RIMBP2: variants seen among roughly 807,000 people sequenced by gnomAD.
The protein encoded by RIMBP2 is RIMS binding protein 2, also known as RIMS-binding protein 2.
In RIMBP2, 48 loss-of-function variants were observed where a neutral mutation model predicts 118.6. The ratio of observed to expected loss-of-function variants is 0.40; its 90% CI spans 0.32 to 0.51. RIMBP2 has a LOEUF of 0.51. RIMBP2 is among the 20% of genes least tolerant of loss of function. The pLI is 0.41. For missense variants in RIMBP2, 1,551 were observed against 1,768.3 expected (o/e 0.88, Z 2.20); for synonymous variants, 762 against 742.9 (o/e 1.03, Z -0.42).
At chr12:130,609,776 G>A (rs946254828) in intron 2 of RIMBP2, among the ~76,000 whole-genome samples, 11 of 152,146 alleles carry the variant, frequency 7.2e-5, no homozygotes, top group Non-Finnish European at 1.5e-5. Context: ...GGAAGTGGGG[G>A]TAGGGCACTG....
chr12:130,655,057 T>C (rs1461637417), intron 1 of RIMBP2, among the ~76,000 whole-genome samples: 2 of 152,282 alleles, frequency 1.3e-5, no homozygotes, highest in African/African-American at 2.4e-5. Context: ...CACATGAGAT[T>C]TGGGGGAGAC....
chr12:130,621,402 C>G lies in RIMBP2; in HGVS notation c.-217+6920G>C, dbSNP rs1028284793. On this transcript the variant is annotated intron_variant, in intron 2 of 22. Transcript: ENST00000690449. This position sits in a 1 kb window ranked among gnomAD's most constrained non-coding sequence, Gnocchi z 6.6. ...CTCTGATTAAAGACTGACGCCAACA[C>G]AGAGGAAAAGGATGGAGATTCCCAA... Among the ~76,000 whole-genome samples the G allele has an allele frequency of 6.6e-6, 1 of 152,306 alleles. No homozygotes were observed. The highest frequency in any genetic ancestry group is 6.5e-5 in the Admixed American group (1 of 15,302).
intron 1 of RIMBP2, among the ~76,000 whole-genome samples, chr12:130,671,433 T>G (rs957937176): frequency 6.6e-6 from 1 of 152,182 alleles, no homozygotes; most frequent in African/African-American, 2.4e-5. Context: ...TAAAATTATC[T>G]CATTATTGAC....
At chr12:130,713,039 G>A (rs1422431730) in intron 1 of RIMBP2, among the ~76,000 whole-genome samples, 1 of 151,612 alleles carries the variant, frequency 6.6e-6, no homozygotes, top group Non-Finnish European at 1.5e-5. Context: ...GAGACTGAGA[G>A]AGGGAGAGGA....
rs932952706 is a variant in RIMBP2 at position 130,620,440 on chromosome 12, C to T, written c.-217+7882G>A. 2.6e-5 allele frequency among the ~76,000 whole-genome samples: 4 copies of T among 152,270 alleles called. No individual in the cohort carries two copies. In the East Asian group the frequency reaches 5.8e-4, roughly 22 times the overall value. Reference sequence around the variant, plus strand: ...AGGTGGCCAGCACCAGGTTCTGCTGCGTGCAACCAGAGACCTCACGTTAGT... The same window carrying T: ...AGGTGGCCAGCACCAGGTTCTGCTGTGTGCAACCAGAGACCTCACGTTAGT... On this transcript the variant is annotated intron_variant, in intron 2 of 22. Coordinates refer to ENST00000690449, the MANE Select transcript of RIMBP2 (RefSeq NM_001393629.1). This position sits in a 1 kb window ranked among gnomAD's most constrained non-coding sequence, Gnocchi z 5.3.
At chr12:130,679,272 G>A (rs1017496700) in intron 1 of RIMBP2, among the ~76,000 whole-genome samples, 1 of 152,172 alleles carries the variant, frequency 6.6e-6, no homozygotes, top group African/African-American at 2.4e-5. Flanking sequence ...CGCTGGATTT[G>A]ACTAATTCCC....
rs372060417 is a variant in RIMBP2, at chr12:130,605,264, A to G, written c.-217+23058T>C. The stretch of plus-strand genomic sequence containing the variant: ...GTGGGTAGGTGTTGCAGTAGACTCT[A>G]TAAATCAAAGAATTGAACTTTACTT... On this transcript the variant is annotated intron_variant, in intron 2 of 22. Transcript: ENST00000690449. Among the ~76,000 whole-genome samples, 7 of 152,326 alleles carry G rather than the reference A, an allele frequency of 4.6e-5. No individual in the cohort carries two copies. In the East Asian group the frequency reaches 1.3e-3, roughly 29 times the overall value.
chr12:130,565,471 C>T (rs1158180738), intron 2 of RIMBP2, among the ~76,000 whole-genome samples: 1 of 152,192 alleles, frequency 6.6e-6, no homozygotes, highest in Non-Finnish European at 1.5e-5. Context: ...GATGCTGGAT[C>T]CTAGCACCTA....
At position 130,438,351 on chromosome 12, in the gene RIMBP2, C is replaced by CCAA; in HGVS notation, c.1656+13_1656+14insTTG. 3.1e-6 allele frequency: 5 copies of CCAA among 1,589,918 alleles called. No individual in the cohort carries two copies. The highest frequency in any genetic ancestry group is 1.7e-5 in the Admixed American group (1 of 59,826). ...GCCTAACAAACCCTCCCCACCCACC[C>CCAA]AACGAAAACTCACCCTCTGCCCTTT... is the stretch of plus-strand genomic sequence containing the variant. On this transcript the variant is annotated intron_variant, in intron 12 of 22. Coordinates refer to ENST00000690449, the MANE Select transcript of RIMBP2 (RefSeq NM_001393629.1).
At chr12:130,686,488 G>A (rs1045784875) in intron 1 of RIMBP2, among the ~76,000 whole-genome samples, 1 of 152,334 alleles carries the variant, frequency 6.6e-6, no homozygotes, top group East Asian at 1.9e-4. Context: ...AGGCACACCG[G>A]AGTCACGTTG....
At chr12:130,480,237 C>CACACG (rs59071818) in intron 4 of RIMBP2, among the ~76,000 whole-genome samples, 3,797 of 150,266 alleles carry the variant, frequency 0.025, 99 homozygotes, top group African/African-American at 0.056. Context: ...ACACACACAC[C>CACACG]TGTGGTAACT....
At chr12:130,692,835 ATGGGATGGGATGGGATAGGGTAGGG>A (rs1447449846) in intron 1 of RIMBP2, among the ~76,000 whole-genome samples, 1 of 125,610 alleles carries the variant, frequency 8.0e-6, no homozygotes, top group African/African-American at 3.0e-5. Context: ...ATGGGATGGG[ATGGGATGGGATGGGATAGGGTAGGG>A]TAGGGTAGGG....
intron 2 of RIMBP2, among the ~76,000 whole-genome samples, chr12:130,524,192 C>T (rs1287603415): frequency 6.6e-6 from 1 of 152,166 alleles, no homozygotes; most frequent in East Asian, 1.9e-4. Context: ...GTAATTAACC[C>T]ACCACGTCTT....
Position 130,623,610 on chromosome 12 carries a change from G to A in RIMBP2, c.-217+4712C>T, listed in dbSNP as rs1206543100. On this transcript the variant is annotated intron_variant, in intron 2 of 22. Coordinates refer to ENST00000690449, the MANE Select transcript of RIMBP2 (RefSeq NM_001393629.1). This position sits in a 1 kb window ranked among gnomAD's most constrained non-coding sequence, Gnocchi z 4.1. ...CAACAGCAGCAAGTGCCTTCAGTGG[G>A]CATAAGCTGCCTCCCATAACCTCTT... Among the ~76,000 whole-genome samples the A allele has an allele frequency of 6.6e-6, 1 of 152,124 alleles. No homozygotes were observed. The highest frequency in any genetic ancestry group is 2.4e-5 in the African/African-American group (1 of 41,424).
At chr12:130,684,138 C>T (rs532979801) in intron 1 of RIMBP2, among the ~76,000 whole-genome samples, 18 of 152,312 alleles carry the variant, frequency 1.2e-4, no homozygotes, top group African/African-American at 4.1e-4. Flanking sequence ...TATCTGAACC[C>T]AGACACCCCT....
intron 11 of RIMBP2, among the ~76,000 whole-genome samples, 176 bp from the exon 12 acceptor site, chr12:130,438,692 C>T (rs1051675785): frequency 4.1e-5 from 6 of 147,286 alleles, no homozygotes; most frequent in African/African-American, 9.9e-5. Flanking sequence ...AGGGTGGGGC[C>T]GGGGTACAGT....
chr12:130,443,599 A>C (rs2137203162), intron 10 of RIMBP2, among the ~76,000 whole-genome samples: 1 of 152,370 alleles, frequency 6.6e-6, no homozygotes, highest in Non-Finnish European at 1.5e-5. Context: ...AGACATGTCA[A>C]CCATTTAGTT....
chr12:130,493,400 C>T (rs1354779857), intron 4 of RIMBP2, among the ~76,000 whole-genome samples: 4 of 152,020 alleles, frequency 2.6e-5, no homozygotes, highest in Non-Finnish European at 4.4e-5. Flanking sequence ...CTGCAACCTC[C>T]ACCTCCTGAG....
chr12:130,412,717 C>G lies in RIMBP2; in HGVS notation c.3491G>C (p.Cys1164Ser). The part of the protein sequence containing the change: ...ETCARLGLIP[C>S]NMVSEIQADD... ...TGCTTGTATCTCAGAGACCATGTTA[C>G]AAGGAATAAGGCCAAGCCGGGCACA... Residue 1164 changes from cysteine (C) to serine (S), a missense_variant, in exon 19 of 23, where the codon TGT becomes TCT. By Grantham distance (112) the Cys-to-Ser change is moderately radical (BLOSUM62 -1). This residue lies in a region of RIMBP2 where 1,038 missense variants were observed against 1,125.1 expected (regional missense o/e 0.92). Transcript: ENST00000690449. 1 of 1,613,822 alleles carries G rather than the reference C, an allele frequency of 6.2e-7. No homozygotes were observed. Among genetic ancestry groups the G allele is most frequent in the South Asian group, 1.1e-5 (1 of 91,066 alleles).
Sources: gnomAD v4.1 joint callset for allele counts (sites outside exome capture counted in the v4.1 genomes callset) on GRCh38, gnomAD v4.1.1 for gene constraint, gnomAD v4.1.1 regional missense constraint, Gnocchi (gnomAD v3.1) non-coding constraint, MANE v1.5 for transcripts, NCBI Gene and HGNC (gene_info 2026-07-23, HGNC 2026-07-21) for gene names.